ZAN: variants seen among roughly 807,000 people sequenced by gnomAD.
The protein encoded by ZAN is zonadhesin, also known as zonadhesin (gene/pseudogene).
Under a neutral mutation model 286.2 loss-of-function variants are expected in ZAN, and 260 were observed. The observed-to-expected ratio is 0.91, with a 90% CI of 0.82 to 1.01. The LOEUF (loss-of-function observed/expected upper bound fraction) is 1.01, where lower values mean the gene tolerates loss of function less well. ZAN is among the 50% of genes least tolerant of loss of function. ZAN has a pLI of 0.00. For synonymous variants in ZAN, 1,368 were observed against 1,417.5 expected, an observed-to-expected ratio of 0.97 and a Z score of 0.79; for missense variants, 3,410 against 3,639.2, an observed-to-expected ratio of 0.94 and a Z score of 1.62.
At chr7:100,756,013 G>A (rs963402263) in intron 15 of ZAN, among the ~76,000 whole-genome samples, 2 of 151,872 alleles carry the variant, frequency 1.3e-5, no homozygotes, top group African/African-American at 4.8e-5. Flanking sequence ...CCTCAGCCCC[G>A]CAAGTAGCTG....
intron 18 of ZAN, 42 bp from the exon 19 acceptor site, chr7:100,760,349 C>A (rs1219073057): frequency 1.2e-6 from 2 of 1,604,428 alleles, no homozygotes; most frequent in African/African-American, 2.7e-5. Flanking sequence ...TCCTCCTTGA[C>A]CCCCAGCTCT....
chr7:100,760,846 C>A (rs144817637), intron 19 of ZAN, among the ~76,000 whole-genome samples: 1 of 152,156 alleles, frequency 6.6e-6, no homozygotes, highest in Admixed American at 6.6e-5. Context: ...GTCCCATTCT[C>A]GAAGGAAGAG....
At chr7:100,738,434 T>C in intron 6 of ZAN, 27 bp from the exon 7 acceptor site, 1 of 1,446,278 alleles carries the variant, frequency 6.9e-7, no homozygotes. Context: ...GAAAACATTA[T>C]ATCTTCCCTT....
rs1322389091 is a variant in ZAN at position 100,773,783 on chromosome 7, C to G, written c.5697C>G (p.Asn1899Lys). 3 of 1,612,628 alleles carry G rather than the reference C, an allele frequency of 1.9e-6. No individual in the cohort carries two copies. Among genetic ancestry groups the G allele is most frequent in the South Asian group, 1.1e-5 (1 of 90,730 alleles). Reference sequence around the variant, plus strand: ...GGCTCTGCACCTGCTCCGTCCACAACAACATCACCTGCTTCCAGAGCACCT... The same window carrying G: ...GGCTCTGCACCTGCTCCGTCCACAAGAACATCACCTGCTTCCAGAGCACCT... ...CTRLCTCSVH[N>K]NITCFQSTCK... The change falls in exon 31 of 48, where the codon AAC (asparagine) becomes AAG (lysine). Residue 1899 changes from asparagine to lysine, a missense_variant. Asn to Lys is a moderately conservative substitution (Grantham distance 94). This residue lies in a region of ZAN where 1,289 missense variants were observed against 1,314.3 expected (regional missense o/e 0.98). Coordinates refer to ENST00000613979, the MANE Select transcript of ZAN (RefSeq NM_003386.3).
Position 100,739,013 on chromosome 7 carries a change from T to C in ZAN, c.766+400T>C, listed in dbSNP as rs369267583. On this transcript the variant is annotated intron_variant, in intron 7 of 47. Coordinates refer to ENST00000613979, the MANE Select transcript of ZAN (RefSeq NM_003386.3). The stretch of plus-strand genomic sequence containing the variant: ...TCTCCTTCTCCTTCTCCTTCTTCTT[T>C]TTCTTTTTTTTTTTTTGAAGCAGAG... Among the ~76,000 whole-genome samples the C allele has an allele frequency of 4.4e-3, 335 of 76,318 alleles. 65 individuals are homozygous for C. Among genetic ancestry groups the C allele is most frequent in the Middle Eastern group, 0.019 (3 of 154 alleles). 50.1% of individuals were successfully genotyped at this position (76,318 alleles called of 152,430 possible).
rs961262270 is a variant in ZAN, at chr7:100,737,529, G to GCCCCA, written c.613+184_613+185insACCCC. 4.3e-5 allele frequency among the ~76,000 whole-genome samples: 6 copies of GCCCCA among 138,414 alleles called. No individual in the cohort carries two copies. In the South Asian group the frequency reaches 1.1e-3, roughly 26 times the overall value. The allele number at this position is 138,414 out of a possible 152,430, so 90.8% of individuals were successfully genotyped here. A position where few individuals can be genotyped will look rare whatever the true frequency, so the allele number is the denominator to read the frequency against. ...AGACCTTTCTGGTTAACACGGTGAAGCCCCGTCTCTACTAAAAATACAAAA... is the reference window on the plus strand; with the variant it reads ...AGACCTTTCTGGTTAACACGGTGAAGCCCCACCCCGTCTCTACTAAAAATACAAAA... On this transcript the variant is annotated intron_variant, in intron 6 of 47. Transcript: ENST00000613979.
At chr7:100,774,788 A>G (rs986333780) in intron 31 of ZAN, among the ~76,000 whole-genome samples, 1 of 151,796 alleles carries the variant, frequency 6.6e-6, no homozygotes, top group African/African-American at 2.4e-5. Context: ...ACCATATGCC[A>G]TTGCATTCCA....
chr7:100,755,724 AC>A (rs1809100582), intron 15 of ZAN, among the ~76,000 whole-genome samples: 1 of 151,992 alleles, frequency 6.6e-6, no homozygotes, highest in African/African-American at 2.4e-5. Flanking sequence ...GGCACATGCC[AC>A]CATGCCCAGC....
chr7:100,772,649 G>A (rs1213094704), intron 29 of ZAN, among the ~76,000 whole-genome samples: 5 of 151,512 alleles, frequency 3.3e-5, no homozygotes, highest in African/African-American at 7.3e-5. Flanking sequence ...GAGAAACCCC[G>A]TCTCTACCAA....
Position 100,779,701 on chromosome 7 carries a change from C to G in ZAN, c.6573C>G (p.Cys2191Trp), listed in dbSNP as rs770190481. 3 of 1,559,190 alleles carry G rather than the reference C, an allele frequency of 1.9e-6. No individual in the cohort carries two copies. The highest frequency in any genetic ancestry group is 1.2e-5 in the South Asian group (1 of 84,648). ...CQALQAFGAT[C>W]QSQGLKPPLW... is the part of the protein sequence containing the mutation. ...CTCTGCAAGCCTTCGGGGCCACCTG[C>G]CAGAGCCAGGGGCTCAAGCCCCCAC... Residue 2191 changes from cysteine to tryptophan, a missense_variant, in exon 35 of 48, where the codon TGC (cysteine) becomes TGG (tryptophan). By Grantham distance (215) the Cys-to-Trp change is radical (BLOSUM62 -2). Coordinates refer to ENST00000613979, the MANE Select transcript of ZAN (RefSeq NM_003386.3).
rs148057377 is a variant in ZAN, at chr7:100,789,444, G to A, written c.7357+97G>A. ...CAGGCAAATCCTGGTGAGCAGACTC[G>A]GCCCGGTAGTGGGGCACCCAGCTTC... On this transcript the variant is annotated intron_variant, in intron 39 of 47. Transcript: ENST00000613979. The A allele has an allele frequency of 1.8e-4, 285 of 1,541,262 alleles. 4 individuals carry two copies. The East Asian group carries it at 6.2e-3, about 34-fold the overall frequency.
chr7:100,770,640 G>A (rs581119), intron 28 of ZAN, among the ~76,000 whole-genome samples: 9 of 151,316 alleles, frequency 5.9e-5, no homozygotes, highest in East Asian at 3.9e-4. Context: ...AAGCCACCAC[G>A]CCTGGCCGTT....
At chr7:100,768,045 G>T in intron 26 of ZAN, 34 bp downstream of exon 26, 1 of 1,593,908 alleles carries the variant, frequency 6.3e-7, no homozygotes, top group Non-Finnish European at 8.5e-7. Context: ...GGAAAGCTGG[G>T]ACAATGAGTA....
Position 100,750,834 on chromosome 7 carries a change from C to T in ZAN, c.1459C>T (p.Gln487Ter), listed in dbSNP as rs373977197. 8.1e-5 allele frequency: 130 copies of T among 1,595,626 alleles called. No individual in the cohort carries two copies. The highest frequency in any genetic ancestry group is 1.1e-4 in the Non-Finnish European group (127 of 1,169,438). ...PIPLWKRVGS[Q>*]RPYWQNTSVT... ...TCCTCTCTGGAAACGCGTGGGGTCT[C>T]AGCGCCCTTACTGGCAGAACACCTC... The change falls in exon 12 of 48, where the codon CAG (glutamine) becomes TAG (stop). Residue 487 changes from glutamine to a stop codon, truncating the protein, a stop_gained. Transcript: ENST00000613979. LOFTEE classifies it high-confidence loss of function.
At chr7:100,743,621 A>G (rs1807970635) in intron 7 of ZAN, among the ~76,000 whole-genome samples, 1 of 152,108 alleles carries the variant, frequency 6.6e-6, no homozygotes, top group Non-Finnish European at 1.5e-5. Context: ...TCATGCCTGT[A>G]ATCCCAGCAC....
At chr7:100,745,030 C>T (rs552983481) in intron 7 of ZAN, among the ~76,000 whole-genome samples, 1 of 151,530 alleles carries the variant, frequency 6.6e-6, no homozygotes, top group East Asian at 1.9e-4. Context: ...ATTACAGATG[C>T]CCGCCACCAC....
rs1210286162 is a variant in ZAN, at chr7:100,797,450, G to C, written c.8351G>C (p.Arg2784Thr). The change falls in exon 46 of 48, where the codon AGA (arginine) becomes ACA (threonine). Residue 2784 changes from arginine (R) to threonine (T), a missense_variant. Arg to Thr is a moderately conservative substitution (Grantham distance 71). Transcript: ENST00000613979. ...GCCGTGACCAGAGAGTGCATTTACA[G>C]AACGAGGAGGAAGAGGTGAGTCCTG... ...LLAVTRECIY[R>T]TRRKREKTQE... 14 of 1,613,936 alleles carry C rather than the reference G, an allele frequency of 8.7e-6. No individual in the cohort carries two copies. The highest frequency in any genetic ancestry group is 1.1e-5 in the Non-Finnish European group (13 of 1,179,870).
In ZAN at chr7:100,747,441, G is replaced by A. The variant is rs1808308346; in HGVS notation, c.932-109G>A. On this transcript the variant is annotated intron_variant, in intron 8 of 47. Coordinates refer to ENST00000613979, the MANE Select transcript of ZAN (RefSeq NM_003386.3). The stretch of plus-strand genomic sequence containing the variant: ...AAAGAAGATTGTGCTTTCATTTGGT[G>A]GTAATCGTCCCCAGCTATGCCCTCT... 1.5e-5 allele frequency: 12 copies of A among 812,782 alleles called. No homozygotes were observed. The East Asian group carries it at 3.0e-4, about 20-fold the overall frequency. The allele number at this position is 812,782 out of a possible 1,614,324, so 50.3% of individuals were successfully genotyped here.
chr7:100,751,566 C>G (rs1313493141), intron 13 of ZAN, 146 bp from the exon 14 acceptor site: 8 of 866,680 alleles, frequency 9.2e-6, no homozygotes. Context: ...TATTAGTGTT[C>G]GTTGAGTGGA....
Sources: allele counts gnomAD v4.1 joint callset (sites outside exome capture counted in the v4.1 genomes callset), GRCh38; gene constraint gnomAD v4.1.1; regional missense constraint gnomAD v4.1.1; transcripts MANE v1.5; gene names NCBI Gene and HGNC (gene_info 2026-07-23, HGNC 2026-07-21).